The following PLCG2 variants were observed in gnomAD, a reference collection of about 807,000 sequenced individuals.
The protein encoded by PLCG2 is phospholipase C gamma 2, also known as 1-phosphatidylinositol 4,5-bisphosphate phosphodiesterase gamma-2.
A neutral mutation model predicts 175.6 loss-of-function variants in PLCG2; 69 were observed. The ratio of observed to expected loss-of-function variants is 0.39; its 90% CI spans 0.32 to 0.48. The LOEUF is 0.48. PLCG2 is among the 20% of genes least tolerant of loss of function. The probability of loss-of-function intolerance (pLI) is 0.91; values close to 1 mark genes in which losing one functional copy is unlikely to be tolerated. For missense variants in PLCG2, 1,798 were observed against 1,650.9 expected (o/e 1.09, Z -1.54); for synonymous variants, 827 against 624.0 (o/e 1.33, Z -4.85).
chr16:81,763,842 T>G (rs1283279327), intron 2 of PLCG2, among the ~76,000 whole-genome samples: 1 of 151,428 alleles, frequency 6.6e-6, no homozygotes, highest in Admixed American at 6.6e-5. Flanking sequence ...TGGCAGGCAC[T>G]TGTAATCTCA....
chr16:81,895,903 A>G lies in PLCG2; in HGVS notation c.1169A>G (p.Lys390Arg), dbSNP rs1299673582. 6.2e-7 allele frequency: 1 copy of G among 1,614,056 alleles called. No individual in the cohort carries two copies. The highest frequency in any genetic ancestry group is 8.5e-7 in the Non-Finnish European group (1 of 1,179,996). Residue 390 changes from lysine (K) to arginine (R), a missense_variant, in exon 13 of 33, where the codon AAA becomes AGA. Transcript: ENST00000564138. ...TTTGACGACGTCGTGCAGGCCATCA[A>G]AGACCACGCCTTTGTTACCTCGAGG... The part of the protein sequence containing the change: ...IKFDDVVQAI[K>R]DHAFVTSSFP...
chr16:81,847,488 C>G (rs1906186632), intron 2 of PLCG2, among the ~76,000 whole-genome samples: 1 of 151,974 alleles, frequency 6.6e-6, no homozygotes, highest in Non-Finnish European at 1.5e-5. Context: ...CCCTGGCAGC[C>G]AACCTTCATC....
chr16:81,942,484 C>T (rs74649627), intron 30 of PLCG2, among the ~76,000 whole-genome samples: 1 of 152,170 alleles, frequency 6.6e-6, no homozygotes, highest in Admixed American at 6.5e-5. Flanking sequence ...ATAGAATGAA[C>T]AGGAGGCATT....
At chr16:81,829,634 TCTC>T (rs553783117) in intron 2 of PLCG2, among the ~76,000 whole-genome samples, 1 of 152,366 alleles carries the variant, frequency 6.6e-6, no homozygotes, top group Admixed American at 6.5e-5. Flanking sequence ...CCTCGTATGT[TCTC>T]CTTCTGTTCC....
At chr16:81,800,557 A>G (rs550122328) in intron 2 of PLCG2, among the ~76,000 whole-genome samples, 2 of 152,096 alleles carry the variant, frequency 1.3e-5, no homozygotes, top group Non-Finnish European at 2.9e-5. Flanking sequence ...GTTCCGTTTT[A>G]TGGCTGCATA....
intron 2 of PLCG2, among the ~76,000 whole-genome samples, chr16:81,839,328 C>T (rs867596815): frequency 2.6e-5 from 4 of 152,148 alleles, no homozygotes; most frequent in African/African-American, 4.8e-5. Flanking sequence ...AAACCACCCC[C>T]CAAAACTGGT....
At chr16:81,778,043 C>CAAAACAAACA (rs1910507588), upstream of PLCG2, among the ~76,000 whole-genome samples, 71 of 59,852 alleles carry the variant, frequency 1.2e-3, no homozygotes, top group Admixed American at 2.7e-3. Context: ...AAAAAAAAAA[C>CAAAACAAACA]AAAAAAAAAA....
intron 6 of PLCG2, among the ~76,000 whole-genome samples, chr16:81,870,163 G>T (rs1907445106): frequency 6.6e-6 from 1 of 152,182 alleles, no homozygotes; most frequent in Non-Finnish European, 1.5e-5. Context: ...GAGAGAGATG[G>T]GAGAAGCATT....
At chr16:81,881,091 G>T in intron 8 of PLCG2, 138 bp downstream of exon 8, 2 of 784,828 alleles carry the variant, frequency 2.5e-6, no homozygotes, top group Admixed American at 2.2e-5. Flanking sequence ...CTGGGGAATT[G>T]GCCATCCCAT....
chr16:81,792,129 A>G (rs986652800), intron 2 of PLCG2, among the ~76,000 whole-genome samples: 1 of 152,146 alleles, frequency 6.6e-6, no homozygotes, highest in Non-Finnish European at 1.5e-5. Flanking sequence ...CTGAATCCCA[A>G]TTTATGATGC....
upstream of PLCG2, among the ~76,000 whole-genome samples, chr16:81,776,241 T>C (rs1342144568): frequency 2.0e-5 from 3 of 149,988 alleles, no homozygotes; most frequent in Non-Finnish European, 4.4e-5. Context: ...CCTGAGTAGG[T>C]GGGATTATAG....
chr16:81,744,991 C>T lies in PLCG2; in HGVS notation c.-145+5606C>T, dbSNP rs184966648. 2.8e-3 allele frequency among the ~76,000 whole-genome samples: 431 copies of T among 152,340 alleles called. 3 individuals carry two copies. The highest frequency in any genetic ancestry group is 9.8e-3 in the African/African-American group (406 of 41,584). On this transcript the variant is annotated intron_variant, in intron 1 of 5. Transcript: ENST00000565054. ...CTGGATTCAAAGTGTCTCATCTTAACTCCAACCCTGGACTTTAAAAATAAT... is the reference window on the plus strand; with the variant it reads ...CTGGATTCAAAGTGTCTCATCTTAATTCCAACCCTGGACTTTAAAAATAAT...
chr16:81,947,586 G>A (rs1178157936), intron 31 of PLCG2, among the ~76,000 whole-genome samples: 1 of 152,196 alleles, frequency 6.6e-6, no homozygotes, highest in East Asian at 1.9e-4. Flanking sequence ...ACTTTTCTGA[G>A]CAAATGATTG....
intron 5 of PLCG2, 135 bp downstream of exon 5, chr16:81,859,298 A>G: frequency 1.6e-6 from 1 of 627,938 alleles, no homozygotes; most frequent in South Asian, 1.9e-5. Flanking sequence ...TGCGGATGCC[A>G]TGTTGGGTCC....
At position 81,859,145 on chromosome 16, in the gene PLCG2, A is replaced by G. The variant is rs1906834252; in HGVS notation, c.461A>G (p.Asp154Gly). 6.3e-7 allele frequency: 1 copy of G among 1,596,776 alleles called. No individual in the cohort carries two copies. The highest frequency in any genetic ancestry group is 8.6e-7 in the Non-Finnish European group (1 of 1,164,176). Residue 154 changes from aspartate (D) to glycine (G), a missense_variant, in exon 5 of 33, where the codon GAT becomes GGT. Transcript: ENST00000564138. Reference sequence around the variant, plus strand: ...CTGAGAAAGCAGATATATTCTGTGGATCAAACCAGAAGAAACAGGTAAGAG... The same window carrying G: ...CTGAGAAAGCAGATATATTCTGTGGGTCAAACCAGAAGAAACAGGTAAGAG... ...SWLRKQIYSVDQTRRNSISLR... is the reference protein window; with the variant it reads ...SWLRKQIYSVGQTRRNSISLR...
intron 2 of PLCG2, among the ~76,000 whole-genome samples, chr16:81,844,143 A>ATTTTTTT (rs60183943): frequency 1.1e-5 from 1 of 93,910 alleles, no homozygotes; most frequent in Non-Finnish European, 2.0e-5. Flanking sequence ...CACCCGGCTG[A>ATTTTTTT]TTTTTTTTTT....
intron 2 of PLCG2, among the ~76,000 whole-genome samples, chr16:81,829,270 G>A (rs12448393): frequency 6.6e-6 from 1 of 151,636 alleles, no homozygotes; most frequent in Non-Finnish European, 1.5e-5. Context: ...CAACGTGCCC[G>A]GCTAATTTTT....
intron 2 of PLCG2, among the ~76,000 whole-genome samples, chr16:81,846,282 T>C (rs1415752385): frequency 1.3e-5 from 2 of 152,126 alleles, no homozygotes; most frequent in South Asian, 2.1e-4. Context: ...TCCGGTGTGA[T>C]TCATGCTCCA....
chr16:81,942,117 T>TCTACTGAACTCATCCAGCAG (rs1490979253), intron 30 of PLCG2, among the ~76,000 whole-genome samples: 1 of 152,156 alleles, frequency 6.6e-6, no homozygotes, highest in African/African-American at 2.4e-5. Flanking sequence ...TGCCAGTTCC[T>TCTACTGAACTCATCCAGCAG]CTACTGAACT....
Sources: allele counts gnomAD v4.1 joint callset (sites outside exome capture counted in the v4.1 genomes callset), GRCh38; gene constraint gnomAD v4.1.1; transcripts MANE v1.5; gene names NCBI Gene and HGNC (gene_info 2026-07-23, HGNC 2026-07-21).